The following RIMOC1 variants were observed in gnomAD, a reference collection of about 807,000 sequenced individuals.
The protein encoded by RIMOC1 is RAB7A interacting MON1-CCZ1 complex subunit 1, also known as RAB7A-interacting MON1-CCZ1 complex subunit 1.
At chr5:41,912,676 TTCAC>T in the RIMOC1 span, among the ~76,000 whole-genome samples, 5 of 152,094 alleles carry the variant, frequency 3.3e-5, no homozygotes, top group Admixed American at 6.6e-5. Context: ...CTCATGAGAA[TTCAC>T]TCACTATCAC....
At chr5:41,914,440 G>GAT in the RIMOC1 span, among the ~76,000 whole-genome samples, 1 of 149,926 alleles carries the variant, frequency 6.7e-6, no homozygotes, top group East Asian at 2.0e-4. Context: ...CTGGGGGATA[G>GAT]AGCCAGACTC....
At chr5:41,910,336 T>C in the RIMOC1 span, among the ~76,000 whole-genome samples, 3 of 152,094 alleles carry the variant, frequency 2.0e-5, no homozygotes, top group East Asian at 5.8e-4. Flanking sequence ...TGTCTTCTCT[T>C]GCTAGCAACT....
At chr5:41,917,146 C>T in the RIMOC1 span, 2 of 1,613,724 alleles carry the variant, frequency 1.2e-6, no homozygotes, top group East Asian at 4.5e-5. Context: ...GAGCGGGCTG[C>T]ACTACATACA....
At chr5:41,904,376 C>G in the RIMOC1 span, 1 of 1,613,482 alleles carries the variant, frequency 6.2e-7, no homozygotes. Context: ...CCATGGCGGC[C>G]GCAGTCTCTA....
chr5:41,910,279 C>G, the RIMOC1 span, among the ~76,000 whole-genome samples: 96 of 151,980 alleles, frequency 6.3e-4, 1 homozygote, highest in Non-Finnish European at 8.8e-5. Flanking sequence ...ATCACCCCCT[C>G]CCTCTGAGAC....
the RIMOC1 span, chr5:41,912,209 C>A: frequency 7.4e-7 from 1 of 1,355,822 alleles, no homozygotes; most frequent in South Asian, 1.2e-5. Context: ...ATTAAATTTT[C>A]TAAGTGTTTT....
the RIMOC1 span, among the ~76,000 whole-genome samples, chr5:41,915,909 G>A: frequency 4.6e-5 from 7 of 152,146 alleles, no homozygotes; most frequent in Non-Finnish European, 8.8e-5. Flanking sequence ...AAGTGAAGGT[G>A]AAAACTGTAG....
At chr5:41,918,345 C>T in the RIMOC1 span, 1 of 985,716 alleles carries the variant, frequency 1.0e-6, no homozygotes, top group Non-Finnish European at 1.2e-6. Flanking sequence ...TGACTTTTCT[C>T]TCCTTTATGC....
the RIMOC1 span, among the ~76,000 whole-genome samples, chr5:41,907,122 C>T: frequency 6.6e-6 from 1 of 152,114 alleles, no homozygotes; most frequent in Admixed American, 6.5e-5. Flanking sequence ...GATTAGAGGA[C>T]TTATTAGAAG....
chr5:41,921,174 A>C, the RIMOC1 span: 1 of 152,612 alleles, frequency 6.6e-6, no homozygotes, highest in South Asian at 2.1e-4. Context: ...AAACCCCACA[A>C]TAACTTTACA....
the RIMOC1 span, among the ~76,000 whole-genome samples, chr5:41,912,725 C>T: frequency 2.4e-4 from 37 of 152,150 alleles, no homozygotes; most frequent in Non-Finnish European, 3.2e-4. Context: ...CACATGATCC[C>T]GTCACCTCCC....
chr5:41,919,332 T>G, the RIMOC1 span: 1 of 152,176 alleles, frequency 6.6e-6, no homozygotes, highest in Non-Finnish European at 1.5e-5. Context: ...TCATCCTGTG[T>G]AATCATGTTC....
At chr5:41,911,130 T>C in the RIMOC1 span, 2 of 1,609,768 alleles carry the variant, frequency 1.2e-6, no homozygotes, top group Non-Finnish European at 1.7e-6. Flanking sequence ...TGTCATTCTC[T>C]TACCAAAAGA....
chr5:41,917,122 T>A, the RIMOC1 span: 1 of 1,613,806 alleles, frequency 6.2e-7, no homozygotes, highest in African/African-American at 1.3e-5. Flanking sequence ...ATGAAGTGGA[T>A]ACTAGTGTGT....
the RIMOC1 span, chr5:41,909,626 A>T: frequency 3.7e-5 from 20 of 546,142 alleles, no homozygotes; most frequent in Non-Finnish European, 5.0e-5. Flanking sequence ...AAATTTACAT[A>T]CTGAGCTAGA....
At chr5:41,921,003 T>C in the RIMOC1 span, 1 of 152,642 alleles carries the variant, frequency 6.6e-6, no homozygotes, top group Non-Finnish European at 1.5e-5. Flanking sequence ...TTTTTTGATG[T>C]TAACTAGGCT....
At chr5:41,906,402 C>T in the RIMOC1 span, among the ~76,000 whole-genome samples, 2 of 152,168 alleles carry the variant, frequency 1.3e-5, no homozygotes, top group Admixed American at 1.3e-4. Context: ...ACACCCCTGC[C>T]ACAGTAATTA....
At chr5:41,916,800 T>C in the RIMOC1 span, among the ~76,000 whole-genome samples, 102 of 152,344 alleles carry the variant, frequency 6.7e-4, 1 homozygote, top group East Asian at 0.015. Context: ...ACTCTGTTTT[T>C]CTTTTTGTAA....
the RIMOC1 span, chr5:41,918,416 A>T: frequency 2.0e-6 from 2 of 985,440 alleles, no homozygotes; most frequent in Non-Finnish European, 2.4e-6. Flanking sequence ...CTTCCTCCTA[A>T]ACTGTCAGCC....
Sources: gnomAD v4.1 joint callset for allele counts (sites outside exome capture counted in the v4.1 genomes callset) on GRCh38, gnomAD v4.1.1 for gene constraint, MANE v1.5 for transcripts, NCBI Gene and HGNC (gene_info 2026-07-23, HGNC 2026-07-21) for gene names.